Variants in TEAD2 observed in about 807,000 individuals in gnomAD.
TEAD2 encodes the protein TEA domain transcription factor 2.
In TEAD2, 51 loss-of-function variants were observed where a neutral mutation model predicts 61.4. The observed-to-expected ratio is 0.83, with a 90% confidence interval of 0.66 to 1.05. The LOEUF is 1.05. Among genes scored for constraint, TEAD2 ranks in the 50% least tolerant of loss-of-function variants. The pLI, the probability that TEAD2 is intolerant of heterozygous loss-of-function variation, is 0.00. For synonymous variants in TEAD2, 244 were observed against 243.2 expected, an observed-to-expected ratio of 1.00 and a Z score of -0.03; for missense variants, 509 against 600.0, an observed-to-expected ratio of 0.85 and a Z score of 1.58.
intron 10 of TEAD2, 120 bp downstream of exon 10, chr19:49,347,070 C>G: frequency 1.5e-6 from 2 of 1,341,858 alleles, no homozygotes; most frequent in Non-Finnish European, 2.1e-6. Context: ...GCCATGAGGA[C>G]TGACTGGTAA....
intron 1 of TEAD2, among the ~76,000 whole-genome samples, chr19:49,360,738 CAGAGACCCAGAGAGGGAGGGGGACAG>C (rs1972794278): frequency 1.3e-5 from 1 of 75,710 alleles, no homozygotes; most frequent in Admixed American, 1.7e-4. Flanking sequence ...GAGAGGGGGA[CAGAGACCCAGAGAGGGAGGGGGACAG>C]AGACCCAGAG....
In TEAD2 at chr19:49,359,754, G is replaced by A. The variant is rs1972691586; in HGVS notation, c.232+90C>T. On this transcript the variant is annotated intron_variant, in intron 2 of 12. Coordinates refer to ENST00000593945, the MANE Select transcript of TEAD2 (RefSeq NM_001256660.2). This position sits in a 1 kb window ranked among gnomAD's most constrained non-coding sequence, Gnocchi z 4.1. ...TTTCCTCATCTGTGCAAATGGTGAT[G>A]CTAGCTCCTACTTCAGAGTGCTCCA... 7.4e-7 allele frequency: 1 copy of A among 1,343,784 alleles called. No individual in the cohort carries two copies. The highest frequency in any genetic ancestry group is 1.4e-5 in the African/African-American group (1 of 69,894). The allele number at this position is 1,343,784 out of a possible 1,614,324, so 83.2% of individuals were successfully genotyped here.
chr19:49,344,737 A>C (rs931904809), intron 10 of TEAD2, among the ~76,000 whole-genome samples: 10 of 152,180 alleles, frequency 6.6e-5, no homozygotes, highest in African/African-American at 2.4e-4. Flanking sequence ...GCTACTCCCT[A>C]GCAACGGGAC....
rs964399361 is a variant in TEAD2, at chr19:49,359,429, C to G, written c.297+6G>C. On this transcript the variant is annotated splice_donor_region_variant and intron_variant, in intron 3 of 12. Coordinates refer to ENST00000593945, the MANE Select transcript of TEAD2 (RefSeq NM_001256660.2). This position sits in a 1 kb window ranked among gnomAD's most constrained non-coding sequence, Gnocchi z 4.1. ...CAGACAGAAGCCCACAAGTCCATTC[C>G]GAGACCTGTTTTCGAGTTCGGGTCT... The G allele has an allele frequency of 6.2e-6, 10 of 1,613,912 alleles. 1 individual carries two copies. The Admixed American group carries it at 1.7e-4, about 27-fold the overall frequency.
intron 8 of TEAD2, among the ~76,000 whole-genome samples, chr19:49,349,333 C>T (rs553321511): frequency 5.3e-5 from 8 of 151,924 alleles, no homozygotes; most frequent in African/African-American, 1.7e-4. Context: ...CATGGTGGCA[C>T]GTGCCTGTAA....
At chr19:49,354,020 G>A (rs1423564882) in intron 7 of TEAD2, among the ~76,000 whole-genome samples, 2 of 148,520 alleles carry the variant, frequency 1.3e-5, no homozygotes, top group East Asian at 2.0e-4. Flanking sequence ...GAATGGTCTC[G>A]ATCTCCTGAC....
rs1363413403 is a variant in TEAD2 at position 49,341,364 on chromosome 19, C to A, written c.1316G>T (p.Arg439Leu). The change falls in exon 13 of 13, where the codon CGT becomes CTT. Residue 439 changes from arginine to leucine, a missense_variant. Arg to Leu is a moderately radical substitution (Grantham distance 102, BLOSUM62 -2). Transcript: ENST00000593945. This position sits in a 1 kb window ranked among gnomAD's most constrained non-coding sequence, Gnocchi z 4.2. Reference protein sequence around the residue: ...AYVFEVSTSERGAQHHIYRLV... With the variant: ...AYVFEVSTSELGAQHHIYRLV... ...GCGGTAAATGTGATGCTGGGCCCCA[C>A]GCTCGCTGGTGGAGACCTCGAAGAC... 1 of 1,613,952 alleles carries A rather than the reference C, an allele frequency of 6.2e-7. No individual in the cohort carries two copies. Among genetic ancestry groups the A allele is most frequent in the Non-Finnish European group, 8.5e-7 (1 of 1,179,984 alleles).
Position 49,355,985 on chromosome 19 carries a change from G to C in TEAD2, c.361-15C>G, listed in dbSNP as rs1194410160. On this transcript the variant is annotated splice_polypyrimidine_tract_variant and intron_variant, in intron 4 of 12. Coordinates refer to ENST00000593945, the MANE Select transcript of TEAD2 (RefSeq NM_001256660.2). Reference sequence around the variant, plus strand: ...ACGTTCAGAGCCTGCCCGTGGGGGTGGGGGAGGGTGCCAAAGGAGGAAAGA... The same window carrying C: ...ACGTTCAGAGCCTGCCCGTGGGGGTCGGGGAGGGTGCCAAAGGAGGAAAGA... 6.4e-6 allele frequency: 8 copies of C among 1,254,984 alleles called. No individual in the cohort carries two copies. Among genetic ancestry groups the C allele is most frequent in the Non-Finnish European group, 8.0e-6 (8 of 999,398 alleles). 77.7% of individuals were successfully genotyped at this position (1,254,984 alleles called of 1,614,324 possible).
At chr19:49,353,476 C>T (rs1005418361) in intron 7 of TEAD2, among the ~76,000 whole-genome samples, 1 of 152,158 alleles carries the variant, frequency 6.6e-6, no homozygotes, top group Non-Finnish European at 1.5e-5. Flanking sequence ...CTAGAACTTT[C>T]TCCTCCACCC....
rs1330653054 is a variant in TEAD2, at chr19:49,355,396, A to G, written c.396T>C (p.Ala132=). Residue 132 remains alanine, a synonymous_variant, in exon 6 of 13, where the codon GCT becomes GCC. Coordinates refer to ENST00000593945, the MANE Select transcript of TEAD2 (RefSeq NM_001256660.2). ...AGGACATGGTTGCCATTGTCTGGAAAGCCTTGTCCTTGGAAACCTGGTCCT... is the reference window on the plus strand; with the variant it reads ...AGGACATGGTTGCCATTGTCTGGAAGGCCTTGTCCTTGGAAACCTGGTCCT... ...LNVDQVSKDK[A]FQTMATMSSA... 2 of 1,614,150 alleles carry G rather than the reference A, an allele frequency of 1.2e-6. No homozygotes were observed. The highest frequency in any genetic ancestry group is 2.2e-5 in the East Asian group (1 of 44,878).
rs1971704907 is a variant in TEAD2 at position 49,347,199 on chromosome 19, G to A, written c.912C>T (p.Val304=). Residue 304 remains valine, a synonymous_variant, in exon 10 of 13, where the codon GTC becomes GTT. Transcript: ENST00000593945. ...DRGPPHAFFL[V]KFWADLNWGP... is the part of the protein sequence containing the mutation. Reference sequence around the variant, plus strand: ...TGCTGTGAGAACTCACCCAGAACTTGACCAGGAAGAAGGCATGGGGGGGGC... The same window carrying A: ...TGCTGTGAGAACTCACCCAGAACTTAACCAGGAAGAAGGCATGGGGGGGGC... The A allele has an allele frequency of 6.2e-7, 1 of 1,613,656 alleles. No individual in the cohort carries two copies. Among genetic ancestry groups the A allele is most frequent in the African/African-American group, 1.3e-5 (1 of 74,880 alleles).
chr19:49,358,578 C>A (rs1972561270), intron 3 of TEAD2, among the ~76,000 whole-genome samples: 1 of 152,110 alleles, frequency 6.6e-6, no homozygotes, highest in South Asian at 2.1e-4. Context: ...CAGCTCCATG[C>A]TTCCTGGACA....
intron 9 of TEAD2, chr19:49,347,573 A>C (rs1356459477): frequency 8.9e-6 from 5 of 563,552 alleles, no homozygotes; most frequent in Admixed American, 3.1e-5. Context: ...ACAGTCCCCA[A>C]CTCCCTGCCA....
intron 10 of TEAD2, among the ~76,000 whole-genome samples, chr19:49,345,291 T>TTTCC (rs536962723): frequency 3.3e-5 from 5 of 151,776 alleles, no homozygotes; most frequent in African/African-American, 1.2e-4. Context: ...CTTTCCTTCC[T>TTTCC]TTCCTTCCTT....
chr19:49,351,299 A>C lies in TEAD2; in HGVS notation c.604+2T>G. Reference sequence around the variant, plus strand: ...AAGGGAGGGTGGAGCGCAGGCTCTTACCTGGGAGGTCAGTAGATGGGGGAG... The same window carrying C: ...AAGGGAGGGTGGAGCGCAGGCTCTTCCCTGGGAGGTCAGTAGATGGGGGAG... On this transcript the variant is annotated splice_donor_variant, in intron 8 of 12. Transcript: ENST00000593945. LOFTEE classifies it high-confidence loss of function. The C allele has an allele frequency of 6.2e-7, 1 of 1,611,282 alleles. No individual in the cohort carries two copies. The highest frequency in any genetic ancestry group is 8.5e-7 in the Non-Finnish European group (1 of 1,179,040).
intron 7 of TEAD2, among the ~76,000 whole-genome samples, chr19:49,351,846 T>G: frequency 6.7e-6 from 1 of 150,034 alleles, no homozygotes; most frequent in African/African-American, 2.5e-5. Flanking sequence ...ATTAGCAGAG[T>G]GTGGTGGTGC....
At chr19:49,354,912 T>A (rs1972272182) in intron 7 of TEAD2, among the ~76,000 whole-genome samples, 1 of 152,256 alleles carries the variant, frequency 6.6e-6, no homozygotes, top group South Asian at 2.1e-4. Flanking sequence ...GCAGGAGAAC[T>A]GCTTGAACTC....
Position 49,359,507 on chromosome 19 carries a change from T to G in TEAD2, c.233-8A>C. On this transcript the variant is annotated splice_polypyrimidine_tract_variant and splice_region_variant and intron_variant, in intron 2 of 12. Transcript: ENST00000593945. This position sits in a 1 kb window ranked among gnomAD's most constrained non-coding sequence, Gnocchi z 4.1. Reference sequence around the variant, plus strand: ...CGATCAGTTCATTCCGACCTGAAGATTCAAAGACGGAACAGAGTTAGTTAG... The same window carrying G: ...CGATCAGTTCATTCCGACCTGAAGAGTCAAAGACGGAACAGAGTTAGTTAG... The G allele has an allele frequency of 6.2e-7, 1 of 1,613,878 alleles. No homozygotes were observed. The highest frequency in any genetic ancestry group is 8.5e-7 in the Non-Finnish European group (1 of 1,179,920).
rs1423791861 is a variant in TEAD2, at chr19:49,359,914, C to T, written c.162G>A (p.Gln54=). The change falls in exon 2 of 13, where the codon CAG becomes CAA. Residue 54 remains glutamine (Q), a synonymous_variant. Transcript: ENST00000593945. The surrounding 1 kb of genome is among the most constrained non-coding windows in gnomAD (Gnocchi z 4.1). ...AGGGTGGATAGATGGCCAGGGCCTC[C>T]TGGAAGCTCTGCTCAATGTCTGGGC... ...VWSPDIEQSF[Q]EALAIYPPCG... The T allele has an allele frequency of 1.9e-6, 3 of 1,613,162 alleles. No homozygotes were observed. Among genetic ancestry groups the T allele is most frequent in the Non-Finnish European group, 2.5e-6 (3 of 1,180,026 alleles).
Sources: allele counts gnomAD v4.1 joint callset (sites outside exome capture counted in the v4.1 genomes callset), GRCh38; gene constraint gnomAD v4.1.1; non-coding constraint Gnocchi (gnomAD v3.1); transcripts MANE v1.5; gene names NCBI Gene and HGNC (gene_info 2026-07-23, HGNC 2026-07-21).